Variants in PRUNE2 observed in about 807,000 individuals in gnomAD.
PRUNE2 encodes the protein protein prune homolog 2.
PRUNE2 carries 164 observed loss-of-function variants against 252.0 expected under a neutral mutation model. The observed-to-expected ratio is 0.65, with a 90% confidence interval of 0.57 to 0.74. PRUNE2 has a LOEUF of 0.74. Among genes scored for constraint, PRUNE2 ranks in the 30% least tolerant of loss-of-function variants. The probability of loss-of-function intolerance (pLI) is 0.00; values close to 1 mark genes in which losing one functional copy is unlikely to be tolerated. For synonymous variants in PRUNE2, 1,292 were observed against 1,350.2 expected (o/e 0.96, Z 0.94); for missense variants, 3,495 against 3,711.0 (o/e 0.94, Z 1.51).
At chr9:76,877,689 T>A (rs570020804) in intron 1 of PRUNE2, among the ~76,000 whole-genome samples, 280 of 152,116 alleles carry the variant, frequency 1.8e-3, no homozygotes, top group Non-Finnish European at 3.5e-3. Context: ...GACATTAGAG[T>A]ACAGTAATCA....
intron 4 of PRUNE2, among the ~76,000 whole-genome samples, chr9:76,836,185 G>A: frequency 6.6e-6 from 1 of 151,578 alleles, no homozygotes; most frequent in African/African-American, 2.4e-5. Context: ...AAATTTGGCA[G>A]TAGTCCTCTA....
intron 6 of PRUNE2, among the ~76,000 whole-genome samples, chr9:76,735,670 C>T (rs1404704288): frequency 6.6e-6 from 1 of 152,130 alleles, no homozygotes; most frequent in Non-Finnish European, 1.5e-5. Flanking sequence ...AGAATCAAAA[C>T]TTAAAAGTGT....
intron 12 of PRUNE2, among the ~76,000 whole-genome samples, chr9:76,643,284 G>A (rs1843317475): frequency 6.6e-6 from 1 of 152,138 alleles, no homozygotes; most frequent in African/African-American, 2.4e-5. Flanking sequence ...GATGTTTATA[G>A]GGCTTATCAC....
At position 76,686,104 on chromosome 9, in the gene PRUNE2, T is replaced by C. The variant is rs1244183236; in HGVS notation, c.8276+17233A>G. On this transcript the variant is annotated intron_variant, in intron 9 of 18. Coordinates refer to ENST00000376718, the MANE Select transcript of PRUNE2 (RefSeq NM_015225.3). ...GTAATCATACGGCTCTGCCAACCTC[T>C]TGGGGAGAACTGATTCATTTAACCA... Among the ~76,000 whole-genome samples, 5 of 152,354 alleles carry C rather than the reference T, an allele frequency of 3.3e-5. No individual in the cohort carries two copies. The East Asian group carries it at 9.6e-4, about 29-fold the overall frequency.
At chr9:76,831,096 A>C (rs1020344704) in intron 4 of PRUNE2, among the ~76,000 whole-genome samples, 1 of 151,880 alleles carries the variant, frequency 6.6e-6, no homozygotes, top group African/African-American at 2.4e-5. Context: ...CGCCCAGCTA[A>C]TTTTTTGTAT....
chr9:76,693,323 AG>A (rs2044988685), intron 9 of PRUNE2, among the ~76,000 whole-genome samples: 1 of 150,290 alleles, frequency 6.7e-6, no homozygotes, highest in South Asian at 2.1e-4. Flanking sequence ...ATGGCAGAAT[AG>A]GGGGATGGGC....
intron 6 of PRUNE2, among the ~76,000 whole-genome samples, chr9:76,822,454 T>C (rs1358041858): frequency 6.6e-6 from 1 of 152,206 alleles, no homozygotes; most frequent in East Asian, 1.9e-4. Flanking sequence ...TAGACACCAA[T>C]ATGAGTGCCT....
chr9:76,645,678 AAGC>A (rs1441937596), intron 11 of PRUNE2, among the ~76,000 whole-genome samples: 2 of 152,232 alleles, frequency 1.3e-5, no homozygotes, highest in South Asian at 2.1e-4. Flanking sequence ...TTAAAAAAAT[AAGC>A]AGCAATTGTT....
intron 6 of PRUNE2, chr9:76,788,320 G>C: frequency 1.5e-6 from 1 of 659,276 alleles, no homozygotes; most frequent in Non-Finnish European, 2.8e-6. Flanking sequence ...ACCGTGGCTA[G>C]AGTTACCACA....
intron 1 of PRUNE2, among the ~76,000 whole-genome samples, chr9:76,898,843 A>G (rs2063000302): frequency 6.6e-6 from 1 of 152,220 alleles, no homozygotes; most frequent in African/African-American, 2.4e-5. Flanking sequence ...CTCTGGCATT[A>G]CAGGCTAAAA....
chr9:76,782,571 C>A (rs1226233907), intron 6 of PRUNE2: 2 of 152,120 alleles, frequency 1.3e-5, no homozygotes, highest in African/African-American at 2.4e-5. Flanking sequence ...GAGTCCCAGC[C>A]ATATGTTAAG....
At chr9:76,823,552 A>G (rs1367729832) in intron 6 of PRUNE2, 80 bp downstream of exon 6, 9 of 837,596 alleles carry the variant, frequency 1.1e-5, no homozygotes, top group Non-Finnish European at 1.9e-5. Flanking sequence ...GACTTATCCA[A>G]TGGAGAGAGT....
intron 9 of PRUNE2, among the ~76,000 whole-genome samples, chr9:76,666,571 G>C: frequency 6.6e-6 from 1 of 152,100 alleles, no homozygotes; most frequent in East Asian, 1.9e-4. Context: ...GCAGGGAAGG[G>C]CCCCCTGTCC....
chr9:76,703,335 AC>A lies in PRUNE2; in HGVS notation c.8276+1del. ...AAAAAATAAATCTAGCTTTTTGCTT[AC>A]CCATTTGGTCTTGATATCCTGGTTC... On this transcript the variant is annotated splice_donor_variant, in intron 9 of 18. Coordinates refer to ENST00000376718, the MANE Select transcript of PRUNE2 (RefSeq NM_015225.3). LOFTEE classifies it high-confidence loss of function. The A allele has an allele frequency of 6.4e-7, 1 of 1,558,276 alleles. No individual in the cohort carries two copies. Among genetic ancestry groups the A allele is most frequent in the Non-Finnish European group, 8.7e-7 (1 of 1,155,318 alleles).
chr9:76,775,918 AC>A (rs869240203), intron 6 of PRUNE2, among the ~76,000 whole-genome samples: 3 of 129,300 alleles, frequency 2.3e-5, no homozygotes, highest in African/African-American at 1.1e-4. Context: ...TCCTATGACT[AC>A]ACATCCCTAA....
chr9:76,698,011 G>T (rs1307870947), intron 9 of PRUNE2, among the ~76,000 whole-genome samples: 1 of 151,852 alleles, frequency 6.6e-6, no homozygotes, highest in Non-Finnish European at 1.5e-5. Context: ...GGAAATGAAG[G>T]AAAGAGACTA....
At chr9:76,864,251 T>C (rs566650380) in intron 1 of PRUNE2, among the ~76,000 whole-genome samples, 13 of 152,236 alleles carry the variant, frequency 8.5e-5, no homozygotes, top group African/African-American at 3.1e-4. Flanking sequence ...ACATTGACTC[T>C]ACATGGATGT....
chr9:76,685,148 T>C (rs1008387453), intron 9 of PRUNE2, among the ~76,000 whole-genome samples: 1 of 152,224 alleles, frequency 6.6e-6, no homozygotes, highest in Non-Finnish European at 1.5e-5. Context: ...AGAGGACAGA[T>C]TTCAAAGAGA....
chr9:76,704,958 C>T lies in PRUNE2; in HGVS notation c.7316G>A (p.Ser2439Asn), dbSNP rs3739523. ...IVLSALPDRR[S>N]EGNQAETKNR... ...TTTGGTCTCAGCCTGGTTTCCCTCA[C>T]TTCTTCGATCAGGAAGTGCAGAAAG... Residue 2439 changes from serine (S) to asparagine (N), a missense_variant, in exon 8 of 19, where the codon AGT (serine) becomes AAT (asparagine). By Grantham distance (46) the Ser-to-Asn change is conservative. Coordinates refer to ENST00000376718, the MANE Select transcript of PRUNE2 (RefSeq NM_015225.3). The T allele has an allele frequency of 6.2e-7, 1 of 1,613,110 alleles. No homozygotes were observed. Among genetic ancestry groups the T allele is most frequent in the Non-Finnish European group, 8.5e-7 (1 of 1,179,486 alleles).
Sources: allele counts gnomAD v4.1 joint callset (sites outside exome capture counted in the v4.1 genomes callset), GRCh38; gene constraint gnomAD v4.1.1; transcripts MANE v1.5; gene names NCBI Gene and HGNC (gene_info 2026-07-23, HGNC 2026-07-21).